Variants in PAX5 observed in about 807,000 individuals in gnomAD.
PAX5 encodes the protein paired box protein Pax-5.
PAX5 carries 9 observed loss-of-function variants against 43.7 expected under a neutral mutation model. That is an observed-to-expected ratio of 0.21 (90% CI 0.12 to 0.36). PAX5 has a LOEUF of 0.36. PAX5 is among the 10% of genes least tolerant of loss of function. PAX5 has a pLI of 1.00. For missense variants in PAX5, 383 were observed against 532.7 expected, an observed-to-expected ratio of 0.72 and a Z score of 2.77; for synonymous variants, 228 against 214.3, an observed-to-expected ratio of 1.06 and a Z score of -0.56.
chr9:37,017,471 C>T (rs1017589353), intron 2 of PAX5, among the ~76,000 whole-genome samples: 1 of 152,184 alleles, frequency 6.6e-6, no homozygotes, highest in Non-Finnish European at 1.5e-5. Context: ...GAGAACTTTA[C>T]TATTTACCAG....
intron 5 of PAX5, among the ~76,000 whole-genome samples, chr9:36,993,844 C>T (rs1837136803): frequency 6.6e-6 from 1 of 152,186 alleles, no homozygotes; most frequent in Non-Finnish European, 1.5e-5. Flanking sequence ...ATTCCCTGAA[C>T]TGAGATCCCC....
Position 36,836,656 on chromosome 9 carries a change from A to T in PAX5, c.*3904T>A, listed in dbSNP as rs962962004. 4.3e-6 allele frequency: 1 copy of T among 232,740 alleles called. No homozygotes were observed. Among genetic ancestry groups the T allele is most frequent in the African/African-American group, 2.2e-5 (1 of 45,310 alleles). 14.4% of individuals were successfully genotyped at this position (232,740 alleles called of 1,614,324 possible). ...ACCCCGTTCACCCAGGAAGCAGTTC[A>T]TTCAGGGGACTTGAGATTGTGATCT... On this transcript the variant is annotated 3_prime_UTR_variant, in exon 10 of 10. Coordinates refer to ENST00000358127, the MANE Select transcript of PAX5 (RefSeq NM_016734.3).
At chr9:36,860,672 T>G (rs1824129657) in intron 8 of PAX5, among the ~76,000 whole-genome samples, 1 of 152,174 alleles carries the variant, frequency 6.6e-6, no homozygotes, top group South Asian at 2.1e-4. Context: ...CTCAGAGGCA[T>G]GCTGGTGTCC....
At chr9:36,903,303 G>C (rs1251391660) in intron 7 of PAX5, among the ~76,000 whole-genome samples, 1 of 152,266 alleles carries the variant, frequency 6.6e-6, no homozygotes, top group African/African-American at 2.4e-5. Context: ...GCTGAGGTGG[G>C]AGCATCACTT....
At chr9:36,931,957 T>C (rs1468027535) in intron 6 of PAX5, among the ~76,000 whole-genome samples, 1 of 152,004 alleles carries the variant, frequency 6.6e-6, no homozygotes, top group African/African-American at 2.4e-5. Context: ...GTGGATGTGA[T>C]AGTGGTGTGG....
At chr9:36,872,655 G>A (rs1385722480) in intron 8 of PAX5, among the ~76,000 whole-genome samples, 1 of 152,158 alleles carries the variant, frequency 6.6e-6, no homozygotes, top group Non-Finnish European at 1.5e-5. Flanking sequence ...AGCTGAGAAA[G>A]CCTACATGTG....
At chr9:36,875,263 G>A (rs1388330859) in intron 8 of PAX5, among the ~76,000 whole-genome samples, 3 of 152,218 alleles carry the variant, frequency 2.0e-5, no homozygotes. Context: ...TCGGCCTAAA[G>A]TTCTCCATTT....
chr9:36,996,622 A>G (rs1339201851), intron 5 of PAX5, among the ~76,000 whole-genome samples: 1 of 152,206 alleles, frequency 6.6e-6, no homozygotes, highest in Non-Finnish European at 1.5e-5. Flanking sequence ...AGCAGCAGAC[A>G]GCATCTATGC....
At chr9:36,921,327 A>T (rs1237346814) in intron 7 of PAX5, among the ~76,000 whole-genome samples, 2 of 152,188 alleles carry the variant, frequency 1.3e-5, no homozygotes, top group Non-Finnish European at 1.5e-5. Context: ...CTGGGATCTC[A>T]TTTGATCCTT....
chr9:36,936,703 A>G (rs921203881), intron 6 of PAX5, among the ~76,000 whole-genome samples: 2 of 152,212 alleles, frequency 1.3e-5, no homozygotes, highest in Non-Finnish European at 2.9e-5. Flanking sequence ...AAATGAAAAG[A>G]GAAAACTTCA....
chr9:36,878,145 C>T (rs903667646), intron 8 of PAX5, among the ~76,000 whole-genome samples: 2 of 152,162 alleles, frequency 1.3e-5, no homozygotes, highest in Non-Finnish European at 2.9e-5. Flanking sequence ...ACTTCAGACT[C>T]CTGTGCTCCA....
chr9:36,944,606 T>C (rs1403999441), intron 6 of PAX5, among the ~76,000 whole-genome samples: 1 of 152,154 alleles, frequency 6.6e-6, no homozygotes, highest in Non-Finnish European at 1.5e-5. Flanking sequence ...CGCCCATTAC[T>C]CAGAGGTTTT....
intron 8 of PAX5, among the ~76,000 whole-genome samples, chr9:36,871,708 T>C (rs1331166896): frequency 2.0e-5 from 3 of 152,218 alleles, no homozygotes; most frequent in Admixed American, 2.0e-4. Context: ...TTGGTGCAGT[T>C]GGATCTGGGG....
intron 1 of PAX5, among the ~76,000 whole-genome samples, chr9:37,025,280 T>G (rs1280862940): frequency 2.0e-5 from 3 of 152,176 alleles, no homozygotes; most frequent in Non-Finnish European, 2.9e-5. Context: ...AGCTTTCCCC[T>G]GCTTGCCAGG....
In PAX5 at chr9:36,898,345, T is replaced by A. The variant is rs78553192; in HGVS notation, c.911-16240A>T. Among the ~76,000 whole-genome samples the A allele has an allele frequency of 4.7e-3, 714 of 152,296 alleles. 7 individuals are homozygous for A. Among genetic ancestry groups the A allele is most frequent in the African/African-American group, 0.017 (686 of 41,560 alleles). The stretch of plus-strand genomic sequence containing the variant: ...AGTTTTCTTGTCTACAAATTGGGGC[T>A]AGTGGCACTATCTTCACAGGGTTGT... On this transcript the variant is annotated intron_variant, in intron 7 of 9. Coordinates refer to ENST00000358127, the MANE Select transcript of PAX5 (RefSeq NM_016734.3).
At chr9:37,019,162 T>A (rs997739152) in intron 2 of PAX5, among the ~76,000 whole-genome samples, 2 of 152,146 alleles carry the variant, frequency 1.3e-5, no homozygotes, top group South Asian at 2.1e-4. Flanking sequence ...CATTTATCTA[T>A]CTCTTTCTAT....
At chr9:37,006,408 T>G (rs1838390338) in intron 4 of PAX5, 65 bp downstream of exon 4, 1 of 1,202,924 alleles carries the variant, frequency 8.3e-7, no homozygotes, top group Non-Finnish European at 1.2e-6. Flanking sequence ...TAAGAATGAT[T>G]AAAAGTTCTT....
intron 6 of PAX5, among the ~76,000 whole-genome samples, chr9:36,961,123 G>T (rs1353117533): frequency 6.6e-6 from 1 of 152,148 alleles, no homozygotes; most frequent in Non-Finnish European, 1.5e-5. Flanking sequence ...CATGGTCGAG[G>T]TTCAGGCCAT....
At chr9:36,995,420 A>G (rs1371210932) in intron 5 of PAX5, among the ~76,000 whole-genome samples, 1 of 152,174 alleles carries the variant, frequency 6.6e-6, no homozygotes, top group Non-Finnish European at 1.5e-5. Context: ...GAGGAAAGGG[A>G]GGCCCGCGAG....
Sources: gnomAD v4.1 joint callset for allele counts (sites outside exome capture counted in the v4.1 genomes callset) on GRCh38, gnomAD v4.1.1 for gene constraint, MANE v1.5 for transcripts, NCBI Gene and HGNC (gene_info 2026-07-23, HGNC 2026-07-21) for gene names.